Variants in MYO3B observed in about 807,000 individuals in gnomAD.
MYO3B encodes the protein myosin IIIB, also known as myosin-IIIb.
In MYO3B, 156 loss-of-function variants were observed where a neutral mutation model predicts 174.6. The observed-to-expected ratio is 0.89, with a 90% CI of 0.78 to 1.02. The LOEUF (loss-of-function observed/expected upper bound fraction) is 1.02, where lower values mean the gene tolerates loss of function less well. MYO3B is among the 50% of genes least tolerant of loss of function. The pLI is 0.00. For missense variants in MYO3B, 1,632 were observed against 1,639.4 expected (o/e 1.00, Z 0.08); for synonymous variants, 563 against 569.1 (o/e 0.99, Z 0.15).
chr2:170,249,153 G>A (rs2093224366), intron 7 of MYO3B, among the ~76,000 whole-genome samples: 1 of 152,202 alleles, frequency 6.6e-6, no homozygotes, highest in Non-Finnish European at 1.5e-5. Context: ...CAGAGGAAGG[G>A]AGGTAGCCCC....
At chr2:170,384,886 G>A (rs1488541683) in intron 12 of MYO3B, among the ~76,000 whole-genome samples, 1 of 152,128 alleles carries the variant, frequency 6.6e-6, no homozygotes, top group African/African-American at 2.4e-5. Flanking sequence ...AGTGCCACAA[G>A]ACTGTTCCCA....
intron 7 of MYO3B, among the ~76,000 whole-genome samples, chr2:170,314,922 C>G (rs1479701578): frequency 6.6e-6 from 1 of 152,204 alleles, no homozygotes; most frequent in Admixed American, 6.5e-5. Context: ...CTATGCTACT[C>G]AAGACTGGTC....
intron 32 of MYO3B, among the ~76,000 whole-genome samples, chr2:170,551,458 C>T (rs2106227280): frequency 6.8e-6 from 1 of 146,078 alleles, no homozygotes; most frequent in South Asian, 2.2e-4. Context: ...GCAGCCTCCA[C>T]CTCCTGGGTT....
At chr2:170,352,510 G>C (rs1574835732) in intron 8 of MYO3B, among the ~76,000 whole-genome samples, 1 of 152,148 alleles carries the variant, frequency 6.6e-6, no homozygotes, top group Non-Finnish European at 1.5e-5. Flanking sequence ...CCATGCTTTT[G>C]AATTATCAGG....
At position 170,401,665 on chromosome 2, in the gene MYO3B, A is replaced by C; in HGVS notation, c.2103A>C (p.Thr701=). The change falls in exon 18 of 35, where the codon ACA becomes ACC. Residue 701 remains threonine, a synonymous_variant. Transcript: ENST00000408978. ...LFSWIVNRIN[T]LLQPDENICS... is the part of the protein sequence containing the mutation. Reference sequence around the variant, plus strand: ...GCTGGATTGTGAATCGCATTAATACACTCCTGCAGCCAGACGAAAACATAT... The same window carrying C: ...GCTGGATTGTGAATCGCATTAATACCCTCCTGCAGCCAGACGAAAACATAT... The C allele has an allele frequency of 6.2e-7, 1 of 1,613,536 alleles. No homozygotes were observed. Among genetic ancestry groups the C allele is most frequent in the Non-Finnish European group, 8.5e-7 (1 of 1,179,908 alleles).
chr2:170,357,757 A>G (rs781450228), intron 8 of MYO3B, among the ~76,000 whole-genome samples: 4 of 152,226 alleles, frequency 2.6e-5, no homozygotes, highest in Non-Finnish European at 5.9e-5. Context: ...AGACAAACAT[A>G]AAGTTACCAT....
Position 170,304,879 on chromosome 2 carries a change from C to T in MYO3B, c.750-30506C>T, listed in dbSNP as rs540685816. On this transcript the variant is annotated intron_variant, in intron 7 of 34. Transcript: ENST00000408978. Reference sequence around the variant, plus strand: ...TTTTTTTCCCCCAGTTTTCTTTTGGCCTTCTAATTTTGTTTAAGGTTTATT... The same window carrying T: ...TTTTTTTCCCCCAGTTTTCTTTTGGTCTTCTAATTTTGTTTAAGGTTTATT... 2.6e-5 allele frequency among the ~76,000 whole-genome samples: 4 copies of T among 151,630 alleles called. No individual in the cohort carries two copies. In the South Asian group the frequency reaches 8.3e-4, roughly 32 times the overall value.
At chr2:170,504,383 C>T (rs1369361170) in intron 28 of MYO3B, among the ~76,000 whole-genome samples, 1 of 152,110 alleles carries the variant, frequency 6.6e-6, no homozygotes, top group African/African-American at 2.4e-5. Context: ...AGCATTTGGC[C>T]TACATGTTGC....
chr2:170,406,856 C>T (rs948031105), intron 21 of MYO3B, among the ~76,000 whole-genome samples: 1 of 152,154 alleles, frequency 6.6e-6, no homozygotes, highest in Non-Finnish European at 1.5e-5. Flanking sequence ...CCCCTCTGTT[C>T]TGAGAACCAA....
chr2:170,386,303 C>T (rs773117920), intron 13 of MYO3B, 31 bp downstream of exon 13: 23 of 1,566,498 alleles, frequency 1.5e-5, no homozygotes, highest in East Asian at 1.3e-4. Flanking sequence ...CGTATTGTGG[C>T]GAGAAGTTCC....
intron 30 of MYO3B, among the ~76,000 whole-genome samples, chr2:170,532,102 C>T (rs922331724): frequency 7.2e-5 from 11 of 152,184 alleles, no homozygotes; most frequent in African/African-American, 2.7e-4. Context: ...AACAAACTGA[C>T]AGCATGTGCC....
chr2:170,524,704 G>C, intron 30 of MYO3B: 1 of 318,958 alleles, frequency 3.1e-6, no homozygotes, highest in Non-Finnish European at 6.2e-6. Flanking sequence ...GGCTGATCTC[G>C]AACTCCTGAC....
intron 32 of MYO3B, among the ~76,000 whole-genome samples, chr2:170,641,872 GAGGGGC>G (rs1465187920): frequency 7.8e-4 from 41 of 52,878 alleles, no homozygotes; most frequent in Middle Eastern, 0.012. Flanking sequence ...GGGGGGGGGG[GAGGGGC>G]GGGGAGCCAT....
chr2:170,232,292 G>T (rs1404578880), intron 6 of MYO3B, among the ~76,000 whole-genome samples: 1 of 152,166 alleles, frequency 6.6e-6, no homozygotes, highest in Non-Finnish European at 1.5e-5. Flanking sequence ...TCAGACTTTG[G>T]TATTGGATTG....
intron 7 of MYO3B, among the ~76,000 whole-genome samples, chr2:170,297,026 T>A (rs1222450182): frequency 6.6e-6 from 1 of 152,172 alleles, no homozygotes; most frequent in African/African-American, 2.4e-5. Flanking sequence ...GGATTACATT[T>A]CAGCATGAGA....
chr2:170,480,392 G>A lies in MYO3B; in HGVS notation c.3014+13681G>A, dbSNP rs150944829. On this transcript the variant is annotated intron_variant, in intron 25 of 34. Transcript: ENST00000408978. ...GAACACATGGAGGTTCCTGGAGGGT[G>A]GCACACCCAAGCAAGGCATGGAAGC... Among the ~76,000 whole-genome samples, 798 of 152,288 alleles carry A rather than the reference G, an allele frequency of 5.2e-3. 9 individuals carry two copies. The highest frequency in any genetic ancestry group is 0.018 in the African/African-American group (755 of 41,550).
intron 22 of MYO3B, among the ~76,000 whole-genome samples, chr2:170,419,599 A>G (rs559081860): frequency 1.3e-5 from 2 of 152,188 alleles, no homozygotes; most frequent in Non-Finnish European, 2.9e-5. Context: ...GAGCTTGGGT[A>G]GCTGTTAAGT....
At chr2:170,625,478 A>C (rs534543904) in intron 32 of MYO3B, among the ~76,000 whole-genome samples, 38 of 152,074 alleles carry the variant, frequency 2.5e-4, no homozygotes, top group Non-Finnish European at 4.9e-4. Flanking sequence ...CAGTCTATCA[A>C]TTTTGTTGAT....
At chr2:170,529,576 A>G (rs77562020) in intron 30 of MYO3B, among the ~76,000 whole-genome samples, 1,947 of 152,124 alleles carry the variant, frequency 0.013, 40 homozygotes, top group African/African-American at 0.044. Flanking sequence ...CCATTTCTCC[A>G]TCCCTCATCC....
Sources: gnomAD v4.1 joint callset for allele counts (sites outside exome capture counted in the v4.1 genomes callset) on GRCh38, gnomAD v4.1.1 for gene constraint, MANE v1.5 for transcripts, NCBI Gene and HGNC (gene_info 2026-07-23, HGNC 2026-07-21) for gene names.